FANCD2: variants seen among roughly 807,000 people sequenced by gnomAD.
FANCD2 encodes the protein FA complementation group D2.
A neutral mutation model predicts 192.3 loss-of-function variants in FANCD2; 131 were observed. That is an observed-to-expected ratio of 0.68 (90% CI 0.59 to 0.79). FANCD2 has a LOEUF of 0.79. Ranked by LOEUF, FANCD2 falls within the 30% of genes least tolerant of loss-of-function variation. The pLI is 0.00. For synonymous variants in FANCD2, 524 were observed against 612.5 expected, an observed-to-expected ratio of 0.86 and a Z score of 2.13; for missense variants, 1,508 against 1,701.6, an observed-to-expected ratio of 0.89 and a Z score of 2.00.
intron 29 of FANCD2, 69 bp downstream of exon 29, chr3:10,074,742 C>T: frequency 7.0e-7 from 1 of 1,434,126 alleles, no homozygotes; most frequent in South Asian, 1.2e-5. Context: ...ATTCTTATTT[C>T]ACAAAGAACA....
chr3:10,043,312 A>T (rs1274080936), intron 12 of FANCD2, among the ~76,000 whole-genome samples, 162 bp downstream of exon 12: 3 of 152,176 alleles, frequency 2.0e-5, no homozygotes, highest in African/African-American at 7.2e-5. Flanking sequence ...GTATGTGTTT[A>T]TATATTTTCT....
intron 26 of FANCD2, among the ~76,000 whole-genome samples, chr3:10,072,127 TAACTA>T (rs1199268925): frequency 1.3e-5 from 2 of 152,142 alleles, no homozygotes; most frequent in Non-Finnish European, 2.9e-5. Flanking sequence ...CATTTAAAAA[TAACTA>T]AAATAGTATA....
chr3:10,033,356 G>C (rs528734287), intron 3 of FANCD2, among the ~76,000 whole-genome samples: 6 of 152,110 alleles, frequency 3.9e-5, no homozygotes, highest in Non-Finnish European at 8.8e-5. Flanking sequence ...AGTCAAGATC[G>C]CACCACTGCA....
intron 37 of FANCD2, 55 bp downstream of exon 37, chr3:10,090,440 C>G (rs1575850717): frequency 9.0e-6 from 5 of 552,946 alleles, no homozygotes; most frequent in East Asian, 4.3e-5. Flanking sequence ...TTGGAAGTTG[C>G]TGATTTTTTT....
At chr3:10,032,175 G>T (rs895543054) in intron 2 of FANCD2, 2 of 225,236 alleles carry the variant, frequency 8.9e-6, no homozygotes, top group African/African-American at 4.7e-5. Flanking sequence ...GCTTCCCAGG[G>T]ATTCCAGTAC....
chr3:10,079,568 C>T (rs1456525356), intron 30 of FANCD2, among the ~76,000 whole-genome samples: 2 of 152,070 alleles, frequency 1.3e-5, no homozygotes, highest in Non-Finnish European at 2.9e-5. Flanking sequence ...CCTCCCAATC[C>T]GCCCACCTCG....
At position 10,048,021 on chromosome 3, in the gene FANCD2, A is replaced by C; in HGVS notation, c.1383A>C (p.Ala461=). The part of the protein sequence containing the change: ...ISFGSLLYKY[A]FKFFDTYCQQ... ...TTGGCAGTCTCCTATACAAATATGC[A>C]TTTAAGTTTTTTGACACGTACTGCC... Residue 461 remains alanine (A), a synonymous_variant, in exon 16 of 44, where the codon GCA becomes GCC. Transcript: ENST00000675286. 1.2e-6 allele frequency: 2 copies of C among 1,614,260 alleles called. No individual in the cohort carries two copies. Among genetic ancestry groups the C allele is most frequent in the African/African-American group, 1.3e-5 (1 of 75,088 alleles).
At chr3:10,029,928 C>A (rs1559367926) in intron 2 of FANCD2, among the ~76,000 whole-genome samples, 1 of 150,800 alleles carries the variant, frequency 6.6e-6, no homozygotes, top group Non-Finnish European at 1.5e-5. Context: ...GGATTACAGG[C>A]GCCAGCCACC....
intron 32 of FANCD2, among the ~76,000 whole-genome samples, chr3:10,085,260 GAAGAA>G (rs1319534440): frequency 2.0e-5 from 3 of 152,134 alleles, no homozygotes; most frequent in African/African-American, 7.2e-5. Context: ...AAAGAGGAAA[GAAGAA>G]AAGAAACCTA....
chr3:10,051,449 A>T (rs7653132), intron 17 of FANCD2, among the ~76,000 whole-genome samples: 124,534 of 124,538 alleles, frequency 1, 62,265 homozygotes, highest in Middle Eastern at 1. Context: ...TTGGACACTG[A>T]AAAAGTTGAA....
At chr3:10,082,863 C>T (rs1693929822) in intron 32 of FANCD2, among the ~76,000 whole-genome samples, 1 of 152,178 alleles carries the variant, frequency 6.6e-6, no homozygotes, top group South Asian at 2.1e-4. Flanking sequence ...TTTATATCCT[C>T]ATTACTTAAA....
rs1695311359 is a variant in FANCD2, at chr3:10,101,720, G to C, written c.*458G>C. On this transcript the variant is annotated 3_prime_UTR_variant, in exon 44 of 44. Coordinates refer to ENST00000675286, the MANE Select transcript of FANCD2 (RefSeq NM_001018115.3). ...TAAAGTGGGGTCTTTATTAACTTGT[G>C]GACATCATGGATTGTCTAACACCAT... The C allele has an allele frequency of 7.8e-6, 2 of 256,684 alleles. No homozygotes were observed. The highest frequency in any genetic ancestry group is 1.3e-4 in the East Asian group (2 of 15,458). The allele number at this position is 256,684 out of a possible 1,614,324, so 15.9% of individuals were successfully genotyped here. A position where few individuals can be genotyped will look rare whatever the true frequency, so the allele number is the denominator to read the frequency against.
intron 1 of FANCD2, among the ~76,000 whole-genome samples, chr3:10,026,911 T>G (rs545320094): frequency 1.3e-5 from 2 of 152,284 alleles, no homozygotes; most frequent in East Asian, 3.9e-4. Context: ...TGTTAACCAT[T>G]ATTAGAAGTC....
At chr3:10,032,496 G>GA in intron 2 of FANCD2, 1 of 293,338 alleles carries the variant, frequency 3.4e-6, no homozygotes, top group South Asian at 3.0e-5. Context: ...AGATGGGGGG[G>GA]TGGTCTCACT....
At chr3:10,099,287 T>C in intron 43 of FANCD2, 1 of 1,264,686 alleles carries the variant, frequency 7.9e-7, no homozygotes, top group Non-Finnish European at 1.0e-6. Context: ...TTACGCTTTT[T>C]TGTGGTACAG....
Position 10,051,146 on chromosome 3 carries a change from C to T in FANCD2, c.1546-1241C>T, listed in dbSNP as rs373030388. Among the ~76,000 whole-genome samples the T allele has an allele frequency of 2.5e-3, 381 of 150,596 alleles. 2 individuals carry two copies. Among genetic ancestry groups the T allele is most frequent in the African/African-American group, 8.7e-3 (354 of 40,900 alleles). ...CTGTAATCCCAGCACTTTGGGAGGC[C>T]GAGGTGGGCGGATCACGAGGTCAGG... On this transcript the variant is annotated intron_variant, in intron 17 of 43. Coordinates refer to ENST00000675286, the MANE Select transcript of FANCD2 (RefSeq NM_001018115.3).
At chr3:10,031,317 C>A (rs1559368668) in intron 2 of FANCD2, among the ~76,000 whole-genome samples, 3 of 152,042 alleles carry the variant, frequency 2.0e-5, no homozygotes, top group East Asian at 1.9e-4. Context: ...TCTTGGCTAA[C>A]ATGGTGAAAC....
At chr3:10,039,398 T>C (rs1213507959) in intron 8 of FANCD2, 41 bp downstream of exon 8, 2 of 1,480,180 alleles carry the variant, frequency 1.4e-6, no homozygotes, top group Admixed American at 1.7e-5. Context: ...AAAGAGTATG[T>C]TTCTCATATC....
intron 26 of FANCD2, among the ~76,000 whole-genome samples, chr3:10,071,127 A>T (rs866431585): frequency 1.6e-4 from 16 of 98,690 alleles, no homozygotes; most frequent in African/African-American, 6.0e-4. Flanking sequence ...ATGATCGATA[A>T]AAAAAAAAAA....
Sources: gnomAD v4.1 joint callset for allele counts (sites outside exome capture counted in the v4.1 genomes callset) on GRCh38, gnomAD v4.1.1 for gene constraint, MANE v1.5 for transcripts, NCBI Gene and HGNC (gene_info 2026-07-23, HGNC 2026-07-21) for gene names.